The following CA10 variants were observed in gnomAD, a reference collection of about 807,000 sequenced individuals.
The protein encoded by CA10 is carbonic anhydrase-related protein 10.
In CA10, 14 loss-of-function variants were observed where a neutral mutation model predicts 44.2. That is an observed-to-expected ratio of 0.32 (90% CI 0.21 to 0.50). The LOEUF is 0.50. CA10 is among the 20% of genes least tolerant of loss of function. The pLI, the probability that CA10 is intolerant of heterozygous loss-of-function variation, is 0.99. For synonymous variants in CA10, 159 were observed against 141.6 expected, an observed-to-expected ratio of 1.12 and a Z score of -0.87; for missense variants, 350 against 409.7, an observed-to-expected ratio of 0.85 and a Z score of 1.26.
intron 2 of CA10, among the ~76,000 whole-genome samples, chr17:52,054,754 G>A (rs1000372763): frequency 6.6e-5 from 10 of 152,012 alleles, no homozygotes; most frequent in East Asian, 1.9e-4. Context: ...GTGAAATATC[G>A]GGGGTGAATT....
At chr17:52,018,682 T>A (rs892291521) in intron 2 of CA10, among the ~76,000 whole-genome samples, 1 of 152,134 alleles carries the variant, frequency 6.6e-6, no homozygotes, top group Non-Finnish European at 1.5e-5. Flanking sequence ...TTTTGAGTGA[T>A]GCTGGAATGA....
At chr17:51,896,886 T>C (rs890916621) in intron 3 of CA10, among the ~76,000 whole-genome samples, 2 of 152,212 alleles carry the variant, frequency 1.3e-5, no homozygotes, top group African/African-American at 4.8e-5. Context: ...ATGTCTTCTT[T>C]TGAAAAGTGT....
intron 3 of CA10, among the ~76,000 whole-genome samples, chr17:51,811,516 A>C (rs879724421): frequency 6.6e-6 from 1 of 152,122 alleles, no homozygotes; most frequent in Non-Finnish European, 1.5e-5. Context: ...GTTTCCACCT[A>C]TGAGTGAGAA....
intron 3 of CA10, among the ~76,000 whole-genome samples, chr17:51,848,350 C>G (rs1978592559): frequency 6.6e-6 from 1 of 152,146 alleles, no homozygotes; most frequent in South Asian, 2.1e-4. Context: ...CCTCACTCCT[C>G]TCACACTCAT....
chr17:51,667,369 C>T (rs1250623929), intron 4 of CA10, among the ~76,000 whole-genome samples: 1 of 152,122 alleles, frequency 6.6e-6, no homozygotes, highest in East Asian at 1.9e-4. Context: ...ACCTTTGCAC[C>T]ACTCCCACTA....
intron 4 of CA10, among the ~76,000 whole-genome samples, chr17:51,695,859 G>A (rs2143442548): frequency 6.6e-6 from 1 of 152,118 alleles, no homozygotes; most frequent in East Asian, 1.9e-4. Context: ...TGTTTCTTGA[G>A]GGTTTTTATC....
chr17:52,088,915 A>G (rs963613635), intron 1 of CA10, among the ~76,000 whole-genome samples: 4 of 152,228 alleles, frequency 2.6e-5, no homozygotes, highest in Non-Finnish European at 5.9e-5. Flanking sequence ...AGTGAAAAAT[A>G]CACTATAGAT....
In CA10 at chr17:51,868,057, AACACACACACACACACAC is replaced by A. The variant is rs34631877; in HGVS notation, c.279+62915_279+62932del. Among the ~76,000 whole-genome samples, 933 of 144,938 alleles carry A rather than the reference AACACACACACACACACAC, an allele frequency of 6.4e-3. 10 individuals are homozygous for A. Among genetic ancestry groups the A allele is most frequent in the African/African-American group, 0.022 (864 of 39,632 alleles). On this transcript the variant is annotated intron_variant, in intron 3 of 8. Transcript: ENST00000451037. ...CACAGAGTTCAAATAAAGCAGGTGT[AACACACACACACACACAC>A]ACACACACACACACACACACAAAGA... is the stretch of plus-strand genomic sequence containing the variant.
intron 4 of CA10, among the ~76,000 whole-genome samples, chr17:51,710,129 C>T (rs1915886247): frequency 6.6e-6 from 1 of 152,164 alleles, no homozygotes; most frequent in Non-Finnish European, 1.5e-5. Context: ...AATGAGTCAG[C>T]ACTGAAGAAC....
chr17:52,013,370 C>A (rs1247847505), intron 2 of CA10, among the ~76,000 whole-genome samples: 1 of 151,480 alleles, frequency 6.6e-6, no homozygotes, highest in African/African-American at 2.4e-5. Context: ...AAGAACAAGA[C>A]CTCCTATGGG....
chr17:51,694,685 T>C lies in CA10; in HGVS notation c.466-40949A>G, dbSNP rs569755316. ...CGGTCCCACTTGTCAATTTTTGTTT[T>C]TGTTGCAATTGCTTTTGAGGACTTA... On this transcript the variant is annotated intron_variant, in intron 4 of 8. Transcript: ENST00000451037. Among the ~76,000 whole-genome samples, 4 of 152,280 alleles carry C rather than the reference T, an allele frequency of 2.6e-5. No individual in the cohort carries two copies. In the South Asian group the frequency reaches 6.2e-4, roughly 24 times the overall value.
chr17:52,146,960 T>C (rs1567748393), intron 1 of CA10, among the ~76,000 whole-genome samples: 5 of 152,108 alleles, frequency 3.3e-5, no homozygotes, highest in Admixed American at 2.6e-4. Context: ...AGCACCTACA[T>C]GCCCACACAC....
intron 1 of CA10, among the ~76,000 whole-genome samples, chr17:52,107,893 C>A (rs2143272246): frequency 6.6e-6 from 1 of 152,094 alleles, no homozygotes; most frequent in Middle Eastern, 3.4e-3. Flanking sequence ...CAGAGCAAGG[C>A]AATGCTGGAA....
At chr17:52,139,959 G>A (rs997579203) in intron 1 of CA10, among the ~76,000 whole-genome samples, 1 of 152,132 alleles carries the variant, frequency 6.6e-6, no homozygotes, top group African/African-American at 2.4e-5. Context: ...TCAACTTCAT[G>A]TTTTCAAACA....
At chr17:52,088,320 T>G (rs1276599668) in intron 1 of CA10, among the ~76,000 whole-genome samples, 1 of 152,224 alleles carries the variant, frequency 6.6e-6, no homozygotes. Context: ...AGTTCAGTAG[T>G]CAGCAAACTC....
intron 2 of CA10, among the ~76,000 whole-genome samples, chr17:51,996,314 T>A (rs576178731): frequency 7.3e-6 from 1 of 137,042 alleles, no homozygotes; most frequent in East Asian, 2.2e-4. Context: ...TTAAATGGTG[T>A]TTTCTCCTTC....
At chr17:51,871,204 G>A (rs901044423) in intron 3 of CA10, among the ~76,000 whole-genome samples, 1 of 150,758 alleles carries the variant, frequency 6.6e-6, no homozygotes, top group African/African-American at 2.4e-5. Flanking sequence ...GACTACAGGT[G>A]TGCCCAACCA....
intron 4 of CA10, among the ~76,000 whole-genome samples, chr17:51,711,944 G>A (rs1915955630): frequency 6.6e-6 from 1 of 152,198 alleles, no homozygotes; most frequent in Non-Finnish European, 1.5e-5. Context: ...GCTGCTGGGG[G>A]AGAGGGGCAG....
At chr17:51,924,674 G>T (rs77638539) in intron 3 of CA10, among the ~76,000 whole-genome samples, 2,047 of 152,236 alleles carry the variant, frequency 0.013, 36 homozygotes, top group African/African-American at 0.047. Context: ...TCCACCCTTA[G>T]GGGTTGCCCT....
Sources: gnomAD v4.1 joint callset for allele counts (sites outside exome capture counted in the v4.1 genomes callset) on GRCh38, gnomAD v4.1.1 for gene constraint, MANE v1.5 for transcripts, NCBI Gene and HGNC (gene_info 2026-07-23, HGNC 2026-07-21) for gene names.